The following CACNB2 variants were observed in gnomAD, a reference collection of about 807,000 sequenced individuals.
CACNB2 encodes calcium voltage-gated channel auxiliary subunit beta 2, also known as voltage-dependent L-type calcium channel subunit beta-2.
In CACNB2, 42 loss-of-function variants were observed where a neutral mutation model predicts 73.3. The observed-to-expected ratio is 0.57, with a 90% CI of 0.45 to 0.74. The LOEUF is 0.74. CACNB2 is among the 30% of genes least tolerant of loss of function. CACNB2 has a pLI of 0.00. For synonymous variants in CACNB2, 348 were observed against 310.3 expected (o/e 1.12, Z -1.28); for missense variants, 940 against 853.0 (o/e 1.10, Z -1.27).
intron 9 of CACNB2, among the ~76,000 whole-genome samples, chr10:18,525,231 G>C (rs938957987): frequency 2.6e-5 from 4 of 151,846 alleles, no homozygotes; most frequent in Non-Finnish European, 5.9e-5. Flanking sequence ...TATGCTTGGG[G>C]ATTCCTTTCA....
chr10:18,462,600 T>C (rs1451272562), intron 3 of CACNB2, among the ~76,000 whole-genome samples: 1 of 152,180 alleles, frequency 6.6e-6, no homozygotes, highest in Non-Finnish European at 1.5e-5. Context: ...CACTTTCATA[T>C]CATCTGAGAG....
chr10:18,394,723 A>G (rs2043638404), intron 2 of CACNB2, among the ~76,000 whole-genome samples: 1 of 152,240 alleles, frequency 6.6e-6, no homozygotes. Flanking sequence ...GAATCAGCAC[A>G]GTACCTGACA....
chr10:18,512,030 C>G (rs1441233621), intron 6 of CACNB2, among the ~76,000 whole-genome samples: 1 of 152,128 alleles, frequency 6.6e-6, no homozygotes, highest in African/African-American at 2.4e-5. Flanking sequence ...TGATAAAATT[C>G]TGTAGCTATT....
At chr10:18,155,075 T>A (rs1224541448) in intron 2 of CACNB2, among the ~76,000 whole-genome samples, 1 of 152,176 alleles carries the variant, frequency 6.6e-6, no homozygotes, top group Non-Finnish European at 1.5e-5. Flanking sequence ...GTAACATATA[T>A]GCCAAAAAGT....
intron 2 of CACNB2, among the ~76,000 whole-genome samples, chr10:18,172,058 G>A (rs2033281839): frequency 6.6e-6 from 1 of 152,116 alleles, no homozygotes; most frequent in African/African-American, 2.4e-5. Context: ...CCAGGATCTT[G>A]GCATGTTTCA....
chr10:18,359,881 T>C (rs749017684), intron 2 of CACNB2, among the ~76,000 whole-genome samples: 2 of 152,206 alleles, frequency 1.3e-5, no homozygotes, highest in Non-Finnish European at 2.9e-5. Flanking sequence ...TTTATGCTTA[T>C]GCTTATTGCT....
intron 3 of CACNB2, among the ~76,000 whole-genome samples, chr10:18,418,136 G>A (rs1379472514): frequency 6.6e-6 from 1 of 152,116 alleles, no homozygotes; most frequent in Non-Finnish European, 1.5e-5. Flanking sequence ...GTGCAGTGGC[G>A]CCCTCTTGGC....
intron 2 of CACNB2, among the ~76,000 whole-genome samples, chr10:18,221,673 T>C (rs2035797749): frequency 6.6e-6 from 1 of 152,150 alleles, no homozygotes; most frequent in South Asian, 2.1e-4. Context: ...AGCGAGACTG[T>C]CTCAAAAAAT....
At chr10:18,491,378 G>A (rs187819618) in intron 3 of CACNB2, among the ~76,000 whole-genome samples, 1 of 152,300 alleles carries the variant, frequency 6.6e-6, no homozygotes, top group East Asian at 1.9e-4. Context: ...GAGGCCAGGA[G>A]TTCAAGACCA....
In CACNB2 at chr10:18,527,687, G is replaced by A. The variant is rs1336703665; in HGVS notation, c.1044G>A (p.Arg348=). 1 of 1,608,858 alleles carries A rather than the reference G, an allele frequency of 6.2e-7. No homozygotes were observed. The stretch of plus-strand genomic sequence containing the variant: ...CAATAATAGAAAGATCCAACACAAG[G>A]TCAAGCTTAGGTAAGTCTGTGCAAT... ...KHAIIERSNT[R]SSLAEVQSEI... Residue 348 remains arginine (R), a synonymous_variant, in exon 10 of 14, where the codon AGG becomes AGA. Transcript: ENST00000324631.
In CACNB2 at chr10:18,403,851, T is replaced by C. The variant is rs529505140; in HGVS notation, c.333+1808T>C. ...AAGATAGTTTATTTAATGGGTGAGA[T>C]GGGAATGGTTAATGGGTACCCAAAA... On this transcript the variant is annotated intron_variant, in intron 3 of 13. Coordinates refer to ENST00000324631, the MANE Select transcript of CACNB2 (RefSeq NM_201596.3). 6.0e-5 allele frequency among the ~76,000 whole-genome samples: 9 copies of C among 149,828 alleles called. No homozygotes were observed. In the Middle Eastern group the frequency reaches 0.01, roughly 171 times the overall value.
At chr10:18,504,824 T>C (rs1386500186) in intron 5 of CACNB2, among the ~76,000 whole-genome samples, 2 of 152,194 alleles carry the variant, frequency 1.3e-5, no homozygotes, top group African/African-American at 4.8e-5. Context: ...TTTGTATTTT[T>C]AGTAGAGACA....
At chr10:18,448,251 A>C (rs906419588) in intron 3 of CACNB2, among the ~76,000 whole-genome samples, 1 of 152,098 alleles carries the variant, frequency 6.6e-6, no homozygotes, top group African/African-American at 2.4e-5. Context: ...TGGGAGGCCA[A>C]GGTGGGCAGA....
intron 2 of CACNB2, among the ~76,000 whole-genome samples, chr10:18,286,411 G>T (rs1202364189): frequency 3.3e-5 from 5 of 151,168 alleles, no homozygotes; most frequent in East Asian, 3.9e-4. Context: ...CCAGCTACTC[G>T]GGAGGCTGAG....
intron 1 of CACNB2, among the ~76,000 whole-genome samples, chr10:18,145,418 T>C (rs1046023880): frequency 2.0e-5 from 3 of 152,220 alleles, no homozygotes; most frequent in African/African-American, 7.2e-5. Context: ...ATGGTATTTT[T>C]TTTTTTCTAA....
chr10:18,175,530 T>C, intron 2 of CACNB2, among the ~76,000 whole-genome samples: 1 of 152,154 alleles, frequency 6.6e-6, no homozygotes. Context: ...TTTGTGTCTC[T>C]TTGTCTTTCA....
At chr10:18,497,118 A>G (rs1189088210) in intron 3 of CACNB2, among the ~76,000 whole-genome samples, 2 of 151,176 alleles carry the variant, frequency 1.3e-5, no homozygotes, top group African/African-American at 4.9e-5. Flanking sequence ...AGGCTGAAGC[A>G]GGAGAATCAA....
chr10:18,499,149 T>C lies in CACNB2; in HGVS notation c.456+672T>C, dbSNP rs549035978. On this transcript the variant is annotated intron_variant, in intron 4 of 13. Transcript: ENST00000324631. ...AGCACTGTGTAAACTGACCAGAAATTTCCCCTGTAGAATATTCTCAGTGTG... is the reference window on the plus strand; with the variant it reads ...AGCACTGTGTAAACTGACCAGAAATCTCCCCTGTAGAATATTCTCAGTGTG... Among the ~76,000 whole-genome samples the C allele has an allele frequency of 1.2e-4, 19 of 152,320 alleles. 1 individual carries two copies. The East Asian group carries it at 3.7e-3, about 29-fold the overall frequency.
chr10:18,459,827 T>C (rs12255804), intron 3 of CACNB2, among the ~76,000 whole-genome samples: 8,736 of 151,996 alleles, frequency 0.057, 873 homozygotes, highest in African/African-American at 0.2. Flanking sequence ...GCCAACATTC[T>C]GTCTCTACAG....
Sources: allele counts gnomAD v4.1 joint callset (sites outside exome capture counted in the v4.1 genomes callset), GRCh38; gene constraint gnomAD v4.1.1; transcripts MANE v1.5; gene names NCBI Gene and HGNC (gene_info 2026-07-23, HGNC 2026-07-21).